The following EFCAB5 variants were observed in gnomAD, a reference collection of about 807,000 sequenced individuals.
EFCAB5 encodes EF-hand calcium binding domain 5.
In EFCAB5, 131 loss-of-function variants were observed where a neutral mutation model predicts 167.9. The observed-to-expected ratio is 0.78, with a 90% confidence interval of 0.68 to 0.90. EFCAB5 has a LOEUF of 0.90. Among genes scored for constraint, EFCAB5 ranks in the 40% least tolerant of loss-of-function variants. EFCAB5 has a pLI of 0.00. For missense variants in EFCAB5, 1,663 were observed against 1,745.2 expected, an observed-to-expected ratio of 0.95 and a Z score of 0.84; for synonymous variants, 574 against 602.8, an observed-to-expected ratio of 0.95 and a Z score of 0.70.
intron 14 of EFCAB5, chr17:30,074,730 C>A (rs1474688152): frequency 1.3e-5 from 2 of 152,140 alleles, no homozygotes; most frequent in Non-Finnish European, 2.9e-5. Flanking sequence ...AAAAAACTGC[C>A]AATTTTCTGC....
At chr17:30,047,290 C>T (rs571991980) in intron 8 of EFCAB5, among the ~76,000 whole-genome samples, 1 of 152,186 alleles carries the variant, frequency 6.6e-6, no homozygotes, top group South Asian at 2.1e-4. Flanking sequence ...GCACTTCTAC[C>T]ATATCGCCCA....
intron 14 of EFCAB5, among the ~76,000 whole-genome samples, chr17:30,066,472 T>C (rs1567754566): frequency 6.6e-6 from 1 of 151,834 alleles, no homozygotes; most frequent in South Asian, 2.1e-4. Flanking sequence ...TTGGAACAAA[T>C]GAAAATAGAA....
intron 8 of EFCAB5, among the ~76,000 whole-genome samples, chr17:30,038,417 C>G (rs1048545896): frequency 1.3e-5 from 2 of 152,206 alleles, no homozygotes; most frequent in Admixed American, 1.3e-4. Context: ...AGACCTACTG[C>G]TCAGAAAAAA....
Position 29,966,090 on chromosome 17 carries a change from A to C in EFCAB5, c.191-2701A>C, listed in dbSNP as rs115674311. On this transcript the variant is annotated intron_variant, in intron 3 of 22. Coordinates refer to ENST00000394835, the MANE Select transcript of EFCAB5 (RefSeq NM_198529.4). Reference sequence around the variant, plus strand: ...ACATATATCATAATATTTACCATTTAAACTGTGTTAAAGTGTACAATTCAG... The same window carrying C: ...ACATATATCATAATATTTACCATTTCAACTGTGTTAAAGTGTACAATTCAG... 6.1e-3 allele frequency among the ~76,000 whole-genome samples: 931 copies of C among 152,206 alleles called. 7 individuals are homozygous for C. Among genetic ancestry groups the C allele is most frequent in the African/African-American group, 0.021 (889 of 41,524 alleles).
In EFCAB5 at chr17:30,053,344, G is replaced by C; in HGVS notation, c.1390G>C (p.Val464Leu). Residue 464 changes from valine to leucine, a missense_variant, in exon 10 of 23, where the codon GTG (valine) becomes CTG (leucine). Val to Leu is a conservative substitution (Grantham distance 32). Transcript: ENST00000394835. ...ACACATTTATGAAGGTTTTGACAAAGTGCTCTTGGAGATGAATACATTACT... is the reference window on the plus strand; with the variant it reads ...ACACATTTATGAAGGTTTTGACAAACTGCTCTTGGAGATGAATACATTACT... Reference protein sequence around the residue: ...QKHIYEGFDKVLLEMNTLLSA... With the variant: ...QKHIYEGFDKLLLEMNTLLSA... 1 of 1,613,956 alleles carries C rather than the reference G, an allele frequency of 6.2e-7. No homozygotes were observed. Among genetic ancestry groups the C allele is most frequent in the Non-Finnish European group, 8.5e-7 (1 of 1,179,886 alleles).
chr17:30,045,458 C>CAAAA (rs11291669), intron 8 of EFCAB5, among the ~76,000 whole-genome samples: 2 of 80,388 alleles, frequency 2.5e-5, no homozygotes, highest in East Asian at 7.5e-4. Flanking sequence ...GCTCTGTCTC[C>CAAAA]AAAAAAAAAA....
chr17:30,075,166 A>G (rs1174868129), intron 14 of EFCAB5, among the ~76,000 whole-genome samples: 5 of 151,988 alleles, frequency 3.3e-5, no homozygotes, highest in South Asian at 2.1e-4. Flanking sequence ...CAATCCCCCA[A>G]TGAATCCATT....
intron 3 of EFCAB5, 107 bp from the exon 4 acceptor site, chr17:29,968,684 T>C (rs1438650761): frequency 1.2e-6 from 1 of 837,152 alleles, no homozygotes; most frequent in Non-Finnish European, 1.8e-6. Flanking sequence ...ATTCTTCCAA[T>C]CCACTGTGTA....
At chr17:30,018,113 T>C (rs1323919753) in intron 7 of EFCAB5, among the ~76,000 whole-genome samples, 3 of 151,236 alleles carry the variant, frequency 2.0e-5, no homozygotes, top group Non-Finnish European at 4.4e-5. Context: ...ATTGGGTCAC[T>C]TTTTTTTTCA....
chr17:30,085,006 TCTTCAGG>T (rs2071060292), intron 18 of EFCAB5, among the ~76,000 whole-genome samples: 1 of 151,678 alleles, frequency 6.6e-6, no homozygotes, highest in Admixed American at 6.6e-5. Flanking sequence ...TCTCCCCGCC[TCTTCAGG>T]CTAAGAGTGG....
intron 4 of EFCAB5, among the ~76,000 whole-genome samples, chr17:29,974,320 C>G (rs1201687650): frequency 2.0e-5 from 3 of 151,878 alleles, no homozygotes; most frequent in Admixed American, 2.0e-4. Context: ...GGAGGGATCT[C>G]TTGAGCCCAG....
chr17:29,976,063 G>A (rs2068058006), intron 4 of EFCAB5, among the ~76,000 whole-genome samples: 2 of 152,138 alleles, frequency 1.3e-5, no homozygotes, highest in South Asian at 4.1e-4. Context: ...CAATAAATTA[G>A]ACTGTATTTA....
chr17:29,963,324 T>C (rs542382978), intron 3 of EFCAB5, among the ~76,000 whole-genome samples: 1 of 152,336 alleles, frequency 6.6e-6, no homozygotes, highest in South Asian at 2.1e-4. Context: ...TTTTTTCCCC[T>C]TCATTTTATG....
intron 8 of EFCAB5, among the ~76,000 whole-genome samples, chr17:30,036,235 ATGT>A (rs1238415139): frequency 7.0e-6 from 1 of 141,974 alleles, no homozygotes; most frequent in African/African-American, 2.6e-5. Flanking sequence ...TATATAATGT[ATGT>A]ATATATAAAT....
In EFCAB5 at chr17:30,055,796, T is replaced by C. The variant is rs905894957; in HGVS notation, c.2195-92T>C. ...AGTACTTAGAGTTTTTGGTGTTCTA[T>C]ATGCAATGCATTTCTATCACTTATT... is the stretch of plus-strand genomic sequence containing the variant. On this transcript the variant is annotated intron_variant, in intron 10 of 22. Coordinates refer to ENST00000394835, the MANE Select transcript of EFCAB5 (RefSeq NM_198529.4). 6.4e-5 allele frequency: 85 copies of C among 1,335,452 alleles called. No individual in the cohort carries two copies. In the Middle Eastern group the frequency reaches 8.3e-4, roughly 13 times the overall value. The allele number at this position is 1,335,452 out of a possible 1,614,324, so 82.7% of individuals were successfully genotyped here.
chr17:29,944,858 G>T (rs2067367616), intron 3 of EFCAB5, among the ~76,000 whole-genome samples: 1 of 152,024 alleles, frequency 6.6e-6, no homozygotes, highest in African/African-American at 2.4e-5. Context: ...CCCAACCTCA[G>T]GTGATCTGCC....
intron 7 of EFCAB5, among the ~76,000 whole-genome samples, chr17:30,003,906 G>A (rs2068720730): frequency 6.6e-6 from 1 of 152,134 alleles, no homozygotes; most frequent in Admixed American, 6.5e-5. Flanking sequence ...TATTGATGCA[G>A]GATTTTTTGC....
At chr17:30,082,813 AG>A in intron 17 of EFCAB5, 77 bp from the exon 18 acceptor site, 5 of 1,351,212 alleles carry the variant, frequency 3.7e-6, no homozygotes, top group Non-Finnish European at 5.0e-6. Context: ...TTACTGGTAA[AG>A]GTAATCCAAT....
chr17:30,068,868 T>C lies in EFCAB5; in HGVS notation c.2737+9167T>C, dbSNP rs2070651935. ...AAGATTATATTAATGCTTATAGCCA[T>C]ACCATGTCTGAATATGGGAGGATGA... On this transcript the variant is annotated intron_variant, in intron 14 of 22. Transcript: ENST00000394835. The C allele has an allele frequency of 3.4e-6, 5 of 1,470,602 alleles. No homozygotes were observed. In the South Asian group the frequency reaches 4.5e-5, roughly 13 times the overall value. The allele number at this position is 1,470,602 out of a possible 1,614,324, so 91.1% of individuals were successfully genotyped here. A position where few individuals can be genotyped will look rare whatever the true frequency, so the allele number is the denominator to read the frequency against.
Sources: gnomAD v4.1 joint callset for allele counts (sites outside exome capture counted in the v4.1 genomes callset) on GRCh38, gnomAD v4.1.1 for gene constraint, MANE v1.5 for transcripts, NCBI Gene and HGNC (gene_info 2026-07-23, HGNC 2026-07-21) for gene names.